The following BRINP1 variants were observed in gnomAD, a reference collection of about 807,000 sequenced individuals.
BRINP1 encodes BMP/retinoic acid inducible neural specific 1.
In BRINP1, 17 loss-of-function variants were observed where a neutral mutation model predicts 72.9. The ratio of observed to expected loss-of-function variants is 0.23; its 90% CI spans 0.16 to 0.35. BRINP1 has a LOEUF of 0.35. Among genes scored for constraint, BRINP1 ranks in the 10% least tolerant of loss-of-function variants. The pLI, the probability that BRINP1 is intolerant of heterozygous loss-of-function variation, is 1.00. For missense variants in BRINP1, 850 were observed against 1,001.6 expected (o/e 0.85, Z 2.04); for synonymous variants, 418 against 378.5 (o/e 1.10, Z -1.21).
chr9:119,219,770 C>T (rs536029483), intron 5 of BRINP1, among the ~76,000 whole-genome samples: 1 of 151,952 alleles, frequency 6.6e-6, no homozygotes, highest in Non-Finnish European at 1.5e-5. Context: ...TCAGGGAACA[C>T]AGGGAAAGAA....
intron 7 of BRINP1, among the ~76,000 whole-genome samples, chr9:119,204,205 G>A (rs1174120055): frequency 6.6e-6 from 1 of 152,082 alleles, no homozygotes; most frequent in Non-Finnish European, 1.5e-5. Context: ...GCCCCCAGAT[G>A]ACAAGAGCCC....
intron 3 of BRINP1, among the ~76,000 whole-genome samples, chr9:119,243,978 G>C (rs962684253): frequency 1.3e-5 from 2 of 152,220 alleles, no homozygotes; most frequent in Non-Finnish European, 2.9e-5. Context: ...GGGCACTCCA[G>C]CTATAACTTT....
intron 1 of BRINP1, among the ~76,000 whole-genome samples, chr9:119,367,799 C>A (rs1587975937): frequency 1.3e-5 from 2 of 152,114 alleles, no homozygotes; most frequent in South Asian, 4.2e-4. Context: ...TTGTAGATCT[C>A]CCTCAGTACT....
chr9:119,298,557 A>G (rs2118979913), intron 2 of BRINP1, among the ~76,000 whole-genome samples: 1 of 152,062 alleles, frequency 6.6e-6, no homozygotes, highest in Non-Finnish European at 1.5e-5. Flanking sequence ...CACATGACTC[A>G]AACTGTGCCT....
At chr9:119,209,391 G>A (rs557697382) in intron 6 of BRINP1, among the ~76,000 whole-genome samples, 27 of 151,916 alleles carry the variant, frequency 1.8e-4, no homozygotes, top group Non-Finnish European at 3.4e-4. Flanking sequence ...CCAACATGGC[G>A]AAACCATCTC....
chr9:119,253,101 C>CCCAAT (rs1273023327), intron 2 of BRINP1, among the ~76,000 whole-genome samples: 1 of 152,170 alleles, frequency 6.6e-6, no homozygotes, highest in Non-Finnish European at 1.5e-5. Context: ...ACTACCTGCT[C>CCCAAT]AGCACCACGG....
intron 2 of BRINP1, among the ~76,000 whole-genome samples, chr9:119,294,940 C>G (rs547053062): frequency 2.0e-5 from 3 of 150,658 alleles, no homozygotes; most frequent in Non-Finnish European, 4.4e-5. Flanking sequence ...GTCCATAATA[C>G]CCAGCTGATC....
chr9:119,301,033 T>C (rs1473236026), intron 2 of BRINP1, among the ~76,000 whole-genome samples: 3 of 152,242 alleles, frequency 2.0e-5, no homozygotes, highest in Non-Finnish European at 2.9e-5. Flanking sequence ...ACCTGATAAC[T>C]CCAAATACTG....
At chr9:119,303,699 T>C (rs781157991) in intron 2 of BRINP1, among the ~76,000 whole-genome samples, 1 of 152,022 alleles carries the variant, frequency 6.6e-6, no homozygotes, top group African/African-American at 2.4e-5. Flanking sequence ...GCTACCTTCA[T>C]AGAGTACCTA....
chr9:119,217,829 A>G lies in BRINP1; in HGVS notation c.686-3674T>C, dbSNP rs1412324301. ...CCTAATATTCTCTTCTGTACTGAGA[A>G]TACATCAGAAAAACCCTGCCTTTTT... is the stretch of plus-strand genomic sequence containing the variant. On this transcript the variant is annotated intron_variant, in intron 5 of 7. Transcript: ENST00000265922. Among the ~76,000 whole-genome samples the G allele has an allele frequency of 3.3e-5, 5 of 152,226 alleles. No individual in the cohort carries two copies. The East Asian group carries it at 9.7e-4, about 30-fold the overall frequency.
intron 2 of BRINP1, among the ~76,000 whole-genome samples, chr9:119,285,150 G>A (rs896192567): frequency 2.0e-5 from 3 of 150,846 alleles, no homozygotes; most frequent in African/African-American, 7.4e-5. Context: ...CTGCTGCAGT[G>A]TGGAGTGGAC....
intron 1 of BRINP1, among the ~76,000 whole-genome samples, chr9:119,348,701 C>T (rs984681220): frequency 2.0e-5 from 3 of 152,156 alleles, no homozygotes; most frequent in African/African-American, 4.8e-5. Flanking sequence ...GAAGAGGAAA[C>T]AACAGCCTAT....
intron 7 of BRINP1, among the ~76,000 whole-genome samples, chr9:119,205,645 A>G (rs10760024): frequency 0.56 from 85,144 of 151,912 alleles, 24,277 homozygotes; most frequent in East Asian, 0.67. Context: ...CCCTTGTAAT[A>G]CCTATCCAGC....
At chr9:119,303,523 G>A (rs16908207) in intron 2 of BRINP1, among the ~76,000 whole-genome samples, 4,233 of 152,242 alleles carry the variant, frequency 0.028, 203 homozygotes, top group African/African-American at 0.096. Context: ...ATCGTGGGAC[G>A]TGCAAGTGCA....
chr9:119,328,499 T>G (rs1415658891), intron 1 of BRINP1, among the ~76,000 whole-genome samples: 1 of 152,136 alleles, frequency 6.6e-6, no homozygotes, highest in East Asian at 1.9e-4. Flanking sequence ...AATTCTAGGA[T>G]AGACCTAGAA....
At chr9:119,231,534 TAG>T (rs1002463299) in intron 5 of BRINP1, among the ~76,000 whole-genome samples, 2 of 152,136 alleles carry the variant, frequency 1.3e-5, no homozygotes, top group African/African-American at 4.8e-5. Context: ...TACTACTCTG[TAG>T]AGTTTGCCCT....
chr9:119,265,442 A>T (rs1830538149), intron 2 of BRINP1, among the ~76,000 whole-genome samples: 2 of 151,990 alleles, frequency 1.3e-5, no homozygotes, highest in East Asian at 1.9e-4. Context: ...CTCTACTAAA[A>T]ATAAAAAAAA....
intron 1 of BRINP1, among the ~76,000 whole-genome samples, chr9:119,347,006 T>C (rs1831459121): frequency 6.6e-6 from 1 of 152,178 alleles, no homozygotes; most frequent in African/African-American, 2.4e-5. Context: ...CACAGATTCC[T>C]ACCTCTTCTT....
chr9:119,356,804 CA>C (rs61323149), intron 1 of BRINP1, among the ~76,000 whole-genome samples: 78 of 115,192 alleles, frequency 6.8e-4, no homozygotes, highest in African/African-American at 1.4e-3. Context: ...GGCTCCGTCT[CA>C]AAAAAAAAAA....
Sources: gnomAD v4.1 joint callset for allele counts (sites outside exome capture counted in the v4.1 genomes callset) on GRCh38, gnomAD v4.1.1 for gene constraint, MANE v1.5 for transcripts, NCBI Gene and HGNC (gene_info 2026-07-23, HGNC 2026-07-21) for gene names.